The following PEX5L variants were observed in gnomAD, a reference collection of about 807,000 sequenced individuals.
PEX5L encodes the protein peroxisomal biogenesis factor 5 like, also known as PEX5-related protein.
A neutral mutation model predicts 84.0 loss-of-function variants in PEX5L; 30 were observed. That is an observed-to-expected ratio of 0.36 (90% CI 0.27 to 0.48). PEX5L has a LOEUF of 0.48. PEX5L is among the 20% of genes least tolerant of loss of function. The pLI is 0.99. For synonymous variants in PEX5L, 270 were observed against 283.1 expected (o/e 0.95, Z 0.46); for missense variants, 533 against 754.6 (o/e 0.71, Z 3.44).
At chr3:180,005,243 G>A (rs1788771656) in intron 1 of PEX5L, among the ~76,000 whole-genome samples, 2 of 151,762 alleles carry the variant, frequency 1.3e-5, no homozygotes, top group Admixed American at 6.5e-5. Flanking sequence ...GATGAGCGGG[G>A]ATTTTAAAAA....
intron 2 of PEX5L, among the ~76,000 whole-genome samples, chr3:179,926,607 T>C (rs1023547873): frequency 1.4e-4 from 22 of 152,222 alleles, no homozygotes; most frequent in African/African-American, 4.6e-4. Context: ...CTTTATCTCG[T>C]GCTAATTCTG....
At chr3:179,889,947 C>T (rs1757095205) in intron 3 of PEX5L, among the ~76,000 whole-genome samples, 1 of 152,134 alleles carries the variant, frequency 6.6e-6, no homozygotes, top group Admixed American at 6.6e-5. Context: ...ATACAATATA[C>T]TAGAAAATGA....
chr3:179,955,964 C>A (rs573936113), intron 2 of PEX5L, among the ~76,000 whole-genome samples: 1 of 152,180 alleles, frequency 6.6e-6, no homozygotes, highest in South Asian at 2.1e-4. Context: ...CTCTTAAACA[C>A]AAGAAAGTGA....
chr3:179,966,041 G>C (rs1403614956), intron 2 of PEX5L, among the ~76,000 whole-genome samples: 1 of 152,182 alleles, frequency 6.6e-6, no homozygotes, highest in East Asian at 1.9e-4. Flanking sequence ...ATTTCAGATA[G>C]ATAGCAAATT....
In PEX5L at chr3:179,963,557, C is replaced by T. The variant is rs148895496; in HGVS notation, c.93+8037G>A. On this transcript the variant is annotated intron_variant, in intron 2 of 14. Coordinates refer to ENST00000467460, the MANE Select transcript of PEX5L (RefSeq NM_016559.3). Reference sequence around the variant, plus strand: ...TAGGACTCTTCCTGGATCTTAGAGACTCATGAATATAGCAAGTCATAAACT... The same window carrying T: ...TAGGACTCTTCCTGGATCTTAGAGATTCATGAATATAGCAAGTCATAAACT... 4.2e-3 allele frequency among the ~76,000 whole-genome samples: 634 copies of T among 152,188 alleles called. 9 individuals carry two copies. The highest frequency in any genetic ancestry group is 0.014 in the African/African-American group (599 of 41,538).
intron 1 of PEX5L, among the ~76,000 whole-genome samples, chr3:179,992,201 A>G (rs1341068546): frequency 6.6e-6 from 1 of 152,212 alleles, no homozygotes; most frequent in Non-Finnish European, 1.5e-5. Flanking sequence ...GCCTCATAGA[A>G]GTGTCCAAAT....
intron 1 of PEX5L, among the ~76,000 whole-genome samples, chr3:180,026,302 T>C (rs1013348859): frequency 2.0e-4 from 30 of 152,110 alleles, no homozygotes; most frequent in South Asian, 8.3e-4. Context: ...TAATCTTTCC[T>C]CAAGCTTAAG....
Position 179,808,380 on chromosome 3 carries a change from A to G in PEX5L, c.1410T>C (p.Asp470=). The G allele has an allele frequency of 6.3e-7, 1 of 1,590,472 alleles. No homozygotes were observed. Among genetic ancestry groups the G allele is most frequent in the Non-Finnish European group, 8.5e-7 (1 of 1,169,606 alleles). The change falls in exon 13 of 15, where the codon GAT becomes GAC. Residue 470 remains aspartate (D), a synonymous_variant. Transcript: ENST00000467460. ...CTGTCTGCAGGTCTGGGTCGATCAT[A>G]TCTCCATTTTGGTGGGCAGCTTCCA... ...LYLEAAHQNG[D]MIDPDLQTGL...
chr3:179,816,080 A>C, intron 9 of PEX5L, 76 bp from the exon 10 acceptor site: 1 of 1,420,342 alleles, frequency 7.0e-7, no homozygotes, highest in East Asian at 2.3e-5. Flanking sequence ...GTTCTCATTA[A>C]AAAGTCAGGA....
chr3:179,947,535 T>C (rs1030091898), intron 2 of PEX5L, among the ~76,000 whole-genome samples: 1 of 152,008 alleles, frequency 6.6e-6, no homozygotes, highest in African/African-American at 2.4e-5. Flanking sequence ...TTTTTTTCTA[T>C]TACAGTAGTA....
chr3:179,852,725 T>A (rs1227741534), intron 8 of PEX5L, among the ~76,000 whole-genome samples: 7 of 152,230 alleles, frequency 4.6e-5, no homozygotes, highest in Non-Finnish European at 8.8e-5. Context: ...TTTTCTCATT[T>A]ACATATTTCA....
intron 7 of PEX5L, among the ~76,000 whole-genome samples, chr3:179,873,561 T>C (rs1751098997): frequency 1.3e-5 from 2 of 152,298 alleles, no homozygotes; most frequent in Admixed American, 6.5e-5. Flanking sequence ...ATAGGAGATA[T>C]GGTCTTAATC....
At chr3:179,974,949 C>T (rs1211898627) in intron 1 of PEX5L, among the ~76,000 whole-genome samples, 1 of 152,166 alleles carries the variant, frequency 6.6e-6, no homozygotes, top group Non-Finnish European at 1.5e-5. Context: ...GTAATCCCAG[C>T]ACTTTGGGAG....
chr3:179,880,214 T>A, intron 4 of PEX5L, 91 bp from the exon 5 acceptor site: 1 of 738,548 alleles, frequency 1.4e-6, no homozygotes, highest in Non-Finnish European at 2.2e-6. Context: ...AGATTTTATG[T>A]TTGTAGGATA....
intron 3 of PEX5L, among the ~76,000 whole-genome samples, chr3:179,893,145 G>C (rs749799158): frequency 3.9e-5 from 6 of 152,070 alleles, no homozygotes; most frequent in Non-Finnish European, 8.8e-5. Flanking sequence ...GATTTCACTT[G>C]AATTATGACT....
chr3:180,031,682 T>C (rs1163405416), intron 1 of PEX5L, among the ~76,000 whole-genome samples: 1 of 152,176 alleles, frequency 6.6e-6, no homozygotes, highest in Non-Finnish European at 1.5e-5. Flanking sequence ...AATTTTAAAA[T>C]ATAAAACCTT....
At chr3:179,969,450 A>T (rs9822440) in intron 2 of PEX5L, among the ~76,000 whole-genome samples, 2 of 151,880 alleles carry the variant, frequency 1.3e-5, no homozygotes, top group Non-Finnish European at 2.9e-5. Context: ...TCTGGAAAAC[A>T]AATGTACATA....
chr3:179,869,582 G>A (rs1014909084), intron 7 of PEX5L, among the ~76,000 whole-genome samples: 12 of 152,158 alleles, frequency 7.9e-5, no homozygotes, highest in Non-Finnish European at 1.3e-4. Context: ...TAAAGAGGCA[G>A]CCTCAGAACC....
chr3:179,976,018 C>A (rs1785742710), intron 1 of PEX5L, among the ~76,000 whole-genome samples: 1 of 152,086 alleles, frequency 6.6e-6, no homozygotes, highest in African/African-American at 2.4e-5. Flanking sequence ...ATATAGATCA[C>A]TAGGGTTAAT....
Sources: allele counts gnomAD v4.1 joint callset (sites outside exome capture counted in the v4.1 genomes callset), GRCh38; gene constraint gnomAD v4.1.1; transcripts MANE v1.5; gene names NCBI Gene and HGNC (gene_info 2026-07-23, HGNC 2026-07-21).